The following CDH2 variants were observed in gnomAD, a reference collection of about 807,000 sequenced individuals.
The protein encoded by CDH2 is cadherin 2.
In CDH2, 17 loss-of-function variants were observed where a neutral mutation model predicts 92.0. The ratio of observed to expected loss-of-function variants is 0.18; its 90% confidence interval spans 0.13 to 0.28. The LOEUF (loss-of-function observed/expected upper bound fraction) is 0.28. Among genes scored for constraint, CDH2 ranks in the 10% least tolerant of loss-of-function variants. The pLI is 1.00. For synonymous variants in CDH2, 419 were observed against 415.9 expected (o/e 1.01, Z -0.09); for missense variants, 862 against 1,133.1 (o/e 0.76, Z 3.44).
chr18:27,970,535 C>T (rs1257337081), intron 14 of CDH2, among the ~76,000 whole-genome samples: 2 of 152,178 alleles, frequency 1.3e-5, no homozygotes, highest in African/African-American at 4.8e-5. Context: ...TAAATGTACA[C>T]ATAAAGTAAA....
chr18:28,067,916 A>G (rs2014540875), intron 2 of CDH2, among the ~76,000 whole-genome samples: 1 of 152,170 alleles, frequency 6.6e-6, no homozygotes, highest in African/African-American at 2.4e-5. Flanking sequence ...AGACAAGACT[A>G]TTTCTGAGTG....
chr18:28,112,461 G>A (rs574876624), intron 2 of CDH2, among the ~76,000 whole-genome samples: 2 of 152,308 alleles, frequency 1.3e-5, no homozygotes, highest in South Asian at 4.1e-4. Flanking sequence ...CTTTGAAGGA[G>A]GCACCGAGGT....
intron 2 of CDH2, among the ~76,000 whole-genome samples, chr18:28,136,892 G>C (rs2015872014): frequency 6.6e-6 from 1 of 152,076 alleles, no homozygotes; most frequent in African/African-American, 2.4e-5. Context: ...TCTGGATTGG[G>C]GCTCAGGAAT....
chr18:28,046,650 A>G (rs570737465), intron 2 of CDH2, among the ~76,000 whole-genome samples: 1 of 152,334 alleles, frequency 6.6e-6, no homozygotes, highest in South Asian at 2.1e-4. Context: ...TTTGTCACAG[A>G]CCTGAATAAA....
At chr18:27,985,274 T>G (rs946253954) in intron 12 of CDH2, 41 bp from the exon 13 acceptor site, 1 of 1,144,972 alleles carries the variant, frequency 8.7e-7, no homozygotes, top group South Asian at 1.3e-5. Flanking sequence ...AGGTAATACT[T>G]AAAGCGATAA....
chr18:28,055,605 A>G (rs2014277087), intron 2 of CDH2, among the ~76,000 whole-genome samples: 1 of 152,172 alleles, frequency 6.6e-6, no homozygotes, highest in South Asian at 2.1e-4. Flanking sequence ...TATGTTATAT[A>G]TGCGTGATAT....
chr18:28,138,106 C>T (rs976618109), intron 2 of CDH2, among the ~76,000 whole-genome samples: 4 of 151,902 alleles, frequency 2.6e-5, no homozygotes, highest in African/African-American at 9.6e-5. Context: ...TAAAACTTGT[C>T]GATTTTATTG....
chr18:28,173,999 G>C lies in CDH2; in HGVS notation c.60+2964C>G, dbSNP rs2016500646. On this transcript the variant is annotated intron_variant, in intron 1 of 15. Transcript: ENST00000269141. ...TTAAAATAAGACTAAAGAAAATCTT[G>C]ATGTTGAACATCATAACATGCAAGA... Among the ~76,000 whole-genome samples, 3 of 152,154 alleles carry C rather than the reference G, an allele frequency of 2.0e-5. No individual in the cohort carries two copies. In the South Asian group the frequency reaches 6.2e-4, roughly 32 times the overall value.
At chr18:27,950,163 G>A (rs1299678663), downstream of CDH2, among the ~76,000 whole-genome samples, 1 of 152,034 alleles carries the variant, frequency 6.6e-6, no homozygotes, top group Admixed American at 6.6e-5. Flanking sequence ...TGCCTACAAA[G>A]TGAATCAATA....
At chr18:28,146,280 T>C (rs1024414029) in intron 2 of CDH2, 1 of 152,116 alleles carries the variant, frequency 6.6e-6, no homozygotes, top group African/African-American at 2.4e-5. Flanking sequence ...TTCTACAGAA[T>C]CATATCAATA....
chr18:28,067,464 T>A (rs1254234204), intron 2 of CDH2, among the ~76,000 whole-genome samples: 1 of 152,180 alleles, frequency 6.6e-6, no homozygotes, highest in African/African-American at 2.4e-5. Flanking sequence ...AAACATTTCA[T>A]ACAAATGGAA....
At chr18:27,983,141 T>C (rs1278924880) in intron 13 of CDH2, 58 bp from the exon 14 acceptor site, 4 of 1,367,994 alleles carry the variant, frequency 2.9e-6, no homozygotes, top group Non-Finnish European at 4.1e-6. Flanking sequence ...CTGGCCTATT[T>C]AGTCACAGTA....
At chr18:27,933,690 C>T (rs577874213) in intron 6 of CDH2, among the ~76,000 whole-genome samples, 13 of 152,276 alleles carry the variant, frequency 8.5e-5, no homozygotes, top group East Asian at 1.9e-4. Context: ...TAACCCGTTT[C>T]GGATGCCCGA....
chr18:28,166,115 C>T (rs1197109288), intron 1 of CDH2, among the ~76,000 whole-genome samples: 1 of 119,070 alleles, frequency 8.4e-6, no homozygotes, highest in Non-Finnish European at 1.7e-5. Context: ...TATATGACTG[C>T]TTACCTACCA....
intron 14 of CDH2, among the ~76,000 whole-genome samples, chr18:27,973,500 C>T (rs903043439): frequency 6.6e-6 from 1 of 152,124 alleles, no homozygotes; most frequent in African/African-American, 2.4e-5. Flanking sequence ...CATGCCTATA[C>T]AGTGTTGTAT....
intron 2 of CDH2, among the ~76,000 whole-genome samples, chr18:28,057,924 A>C (rs1053086320): frequency 6.6e-6 from 1 of 152,126 alleles, no homozygotes; most frequent in Non-Finnish European, 1.5e-5. Flanking sequence ...AAAATAATAC[A>C]AGTCATGGAA....
chr18:28,135,231 A>G (rs557767708), intron 2 of CDH2, among the ~76,000 whole-genome samples: 27 of 152,240 alleles, frequency 1.8e-4, no homozygotes, highest in Non-Finnish European at 3.8e-4. Flanking sequence ...TAACCAATCT[A>G]AATGGCAAAG....
At chr18:28,139,659 A>G (rs1038832630) in intron 2 of CDH2, among the ~76,000 whole-genome samples, 4 of 151,992 alleles carry the variant, frequency 2.6e-5, no homozygotes, top group Admixed American at 1.3e-4. Flanking sequence ...ACCTTCTAAG[A>G]CATCACAGCC....
rs528325141 is a variant in CDH2, at chr18:28,121,964, C to G, written c.172+25709G>C. 1.2e-3 allele frequency among the ~76,000 whole-genome samples: 182 copies of G among 152,212 alleles called. 4 individuals carry two copies. Among genetic ancestry groups the G allele is most frequent in the African/African-American group, 4.3e-3 (177 of 41,550 alleles). On this transcript the variant is annotated intron_variant, in intron 2 of 15. Coordinates refer to ENST00000269141, the MANE Select transcript of CDH2 (RefSeq NM_001792.5). Reference sequence around the variant, plus strand: ...ATGATTTCCTTCGGTAGAGAAAGAACTAAAGGTGATAGAAAATGAGGGTGG... The same window carrying G: ...ATGATTTCCTTCGGTAGAGAAAGAAGTAAAGGTGATAGAAAATGAGGGTGG...
Sources: gnomAD v4.1 joint callset for allele counts (sites outside exome capture counted in the v4.1 genomes callset) on GRCh38, gnomAD v4.1.1 for gene constraint, MANE v1.5 for transcripts, NCBI Gene and HGNC (gene_info 2026-07-23, HGNC 2026-07-21) for gene names.